The following CTDP1 variants were observed in gnomAD, a reference collection of about 807,000 sequenced individuals.
CTDP1 encodes CTD phosphatase 1.
Under a neutral mutation model 91.8 loss-of-function variants are expected in CTDP1, and 47 were observed. That is an observed-to-expected ratio of 0.51 (90% CI 0.41 to 0.65). CTDP1 has a LOEUF of 0.65. CTDP1 is among the 30% of genes least tolerant of loss of function. The pLI, the probability that CTDP1 is intolerant of heterozygous loss-of-function variation, is 0.00. For synonymous variants in CTDP1, 656 were observed against 598.5 expected (o/e 1.10, Z -1.40); for missense variants, 1,272 against 1,373.7 (o/e 0.93, Z 1.17).
At chr18:79,699,429 T>C (rs1169055843) in intron 4 of CTDP1, among the ~76,000 whole-genome samples, 1 of 151,884 alleles carries the variant, frequency 6.6e-6, no homozygotes, top group African/African-American at 2.4e-5. Context: ...CCTGGCTAAT[T>C]TTTTGTATTT....
rs1044954648 is a variant in CTDP1 at position 79,687,558 on chromosome 18, C to G, written c.314+7297C>G. On this transcript the variant is annotated intron_variant, in intron 1 of 12. Coordinates refer to ENST00000613122, the MANE Select transcript of CTDP1 (RefSeq NM_004715.5). ...CCAGTTCACTGGTGGGCCTGCACCGCAGCAGTTGGCTTCTCCAGTTCACTG... is the reference window on the plus strand; with the variant it reads ...CCAGTTCACTGGTGGGCCTGCACCGGAGCAGTTGGCTTCTCCAGTTCACTG... Among the ~76,000 whole-genome samples the G allele has an allele frequency of 6.1e-5, 9 of 147,406 alleles. No individual in the cohort carries two copies. The East Asian group carries it at 8.4e-4, about 14-fold the overall frequency.
chr18:79,721,312 C>T (rs964533402), intron 10 of CTDP1, among the ~76,000 whole-genome samples: 2 of 152,168 alleles, frequency 1.3e-5, no homozygotes, highest in African/African-American at 2.4e-5. Context: ...CTCCTGGACA[C>T]TTCTGAGAAC....
At chr18:79,750,691 T>A (rs1306665018) in intron 12 of CTDP1, among the ~76,000 whole-genome samples, 142 of 138,732 alleles carry the variant, frequency 1.0e-3, no homozygotes, top group African/African-American at 3.4e-3. Flanking sequence ...TTTTTTTTTT[T>A]AATGTGGAGA....
At chr18:79,730,204 G>A (rs888124046) in intron 11 of CTDP1, among the ~76,000 whole-genome samples, 26 of 152,090 alleles carry the variant, frequency 1.7e-4, no homozygotes, top group Non-Finnish European at 3.5e-4. Flanking sequence ...TCACAAAAAT[G>A]TTTTCTCTAA....
At chr18:79,703,405 A>G (rs1255943095) in intron 4 of CTDP1, among the ~76,000 whole-genome samples, 2 of 152,220 alleles carry the variant, frequency 1.3e-5, no homozygotes, top group Non-Finnish European at 2.9e-5. Context: ...TTAGCTTCCT[A>G]AGGAAAGCAG....
intron 11 of CTDP1, among the ~76,000 whole-genome samples, chr18:79,735,399 G>A (rs183524843): frequency 9.8e-5 from 15 of 152,360 alleles, no homozygotes; most frequent in East Asian, 1.9e-4. Flanking sequence ...CGCCCTCAAC[G>A]TCGGAGAGCT....
At chr18:79,702,140 T>C (rs1300251946) in intron 4 of CTDP1, among the ~76,000 whole-genome samples, 2 of 152,190 alleles carry the variant, frequency 1.3e-5, no homozygotes, top group African/African-American at 4.8e-5. Context: ...CAAACAGCAT[T>C]GCATGCTACA....
rs116448879 is a variant in CTDP1, at chr18:79,710,259, T to G, written c.773-87T>G. 3,491 of 1,078,966 alleles carry G rather than the reference T, an allele frequency of 3.2e-3. 73 individuals carry two copies. The African/African-American group carries it at 0.045, about 14-fold the overall frequency. 66.8% of individuals were successfully genotyped at this position (1,078,966 alleles called of 1,614,324 possible). ...TCATCATGTTGTGTGTCTGCCACTT[T>G]AAAAAAAACATTCAAGGCTTCACCA... On this transcript the variant is annotated intron_variant, in intron 5 of 12. Transcript: ENST00000613122.
In CTDP1 at chr18:79,715,239, G is replaced by A; in HGVS notation, c.1779G>A (p.Leu593=). Residue 593 remains leucine (L), a synonymous_variant, in exon 8 of 13, where the codon CTG becomes CTA. Transcript: ENST00000613122. The part of the protein sequence containing the change: ...DTDEDDHLIY[L]EEILVRVHTD... ...ATGAGGATGACCACCTCATCTACCT[G>A]GAGGAGATCCTGGTCCGTGTACACA... The A allele has an allele frequency of 6.2e-7, 1 of 1,610,832 alleles. No homozygotes were observed. The highest frequency in any genetic ancestry group is 8.5e-7 in the Non-Finnish European group (1 of 1,178,666).
At chr18:79,696,106 CGTG>C (rs2085740798) in intron 3 of CTDP1, 36 bp downstream of exon 3, 1 of 1,581,892 alleles carries the variant, frequency 6.3e-7, no homozygotes, top group Non-Finnish European at 8.6e-7. Context: ...GTTGGGGAAG[CGTG>C]GTGCTCTGAG....
At chr18:79,684,603 C>T (rs1214467264) in intron 1 of CTDP1, among the ~76,000 whole-genome samples, 1 of 145,134 alleles carries the variant, frequency 6.9e-6, no homozygotes. Context: ...TCCGTGCCCT[C>T]GTTGCCTGCG....
chr18:79,677,022 C>G (rs1216579426), upstream of CTDP1, among the ~76,000 whole-genome samples: 1 of 152,222 alleles, frequency 6.6e-6, no homozygotes, highest in Non-Finnish European at 1.5e-5. Context: ...TCTGTCAGTT[C>G]CATCGAGGTC....
intron 2 of CTDP1, 105 bp downstream of exon 2, chr18:79,695,413 C>A: frequency 9.7e-7 from 1 of 1,035,532 alleles, no homozygotes; most frequent in East Asian, 2.4e-5. Context: ...CCTTGGTTTC[C>A]CAGCGGCAGA....
chr18:79,680,187 A>G lies in CTDP1; in HGVS notation c.240A>G (p.Glu80=), dbSNP rs2122324013. ...GCTGCGTGCGCCCCGCGCGGCCGGA[A>G]CGCAGGCTGAGGTCGGAGCGCGCGG... ...SGGCVRPARP[E]RRLRSERAGV... Residue 80 remains glutamate, a synonymous_variant, in exon 1 of 13, where the codon GAA becomes GAG. Transcript: ENST00000613122. 2 of 1,382,398 alleles carry G rather than the reference A, an allele frequency of 1.4e-6. No individual in the cohort carries two copies. The highest frequency in any genetic ancestry group is 3.4e-5 in the Admixed American group (1 of 29,336). 85.6% of individuals were successfully genotyped at this position (1,382,398 alleles called of 1,614,324 possible).
At position 79,710,189 on chromosome 18, in the gene CTDP1, C is replaced by T. The variant is rs536857323; in HGVS notation, c.773-157C>T. Among the ~76,000 whole-genome samples, 144 of 152,248 alleles carry T rather than the reference C, an allele frequency of 9.5e-4. 1 individual carries two copies. Among genetic ancestry groups the T allele is most frequent in the Non-Finnish European group, 1.6e-3 (111 of 68,028 alleles). ...ACCATAAGAGAAAAGAAGCCCCACACGAGCCACGTCTTACCTCAAAAGGGA... is the reference window on the plus strand; with the variant it reads ...ACCATAAGAGAAAAGAAGCCCCACATGAGCCACGTCTTACCTCAAAAGGGA... On this transcript the variant is annotated intron_variant, in intron 5 of 12. Coordinates refer to ENST00000613122, the MANE Select transcript of CTDP1 (RefSeq NM_004715.5).
At chr18:79,707,020 CT>C (rs2085980306) in intron 5 of CTDP1, among the ~76,000 whole-genome samples, 1 of 152,276 alleles carries the variant, frequency 6.6e-6, no homozygotes, top group Admixed American at 6.5e-5. Flanking sequence ...AGCTGGGCTT[CT>C]TTAGGTTCGC....
chr18:79,755,222 G>C (rs1426147666), downstream of CTDP1: 2 of 152,312 alleles, frequency 1.3e-5, no homozygotes, highest in South Asian at 2.1e-4. Context: ...CCAGCCCCGG[G>C]TGACTGTTTC....
At chr18:79,733,093 A>G (rs901456098) in intron 11 of CTDP1, among the ~76,000 whole-genome samples, 2 of 152,176 alleles carry the variant, frequency 1.3e-5, no homozygotes, top group African/African-American at 4.8e-5. Flanking sequence ...TGTGAATAGC[A>G]CTCAGTCCTC....
intron 12 of CTDP1, among the ~76,000 whole-genome samples, chr18:79,747,802 G>A (rs891442599): frequency 1.3e-5 from 2 of 152,146 alleles, no homozygotes; most frequent in East Asian, 1.9e-4. Context: ...CCGCGGCCAC[G>A]CTGGCAGTGG....
Sources: gnomAD v4.1 joint callset for allele counts (sites outside exome capture counted in the v4.1 genomes callset) on GRCh38, gnomAD v4.1.1 for gene constraint, MANE v1.5 for transcripts, NCBI Gene and HGNC (gene_info 2026-07-23, HGNC 2026-07-21) for gene names.